The following OPTN variants were observed in gnomAD, a reference collection of about 807,000 sequenced individuals.
OPTN encodes the protein E3-14.7K-interacting protein.
OPTN carries 54 observed loss-of-function variants against 70.4 expected under a neutral mutation model. That is an observed-to-expected ratio of 0.77 (90% confidence interval 0.62 to 0.96). OPTN has a LOEUF of 0.96. Ranked by LOEUF, OPTN falls within the 40% of genes least tolerant of loss-of-function variation. The pLI is 0.00. For missense variants in OPTN, 624 were observed against 673.2 expected, an observed-to-expected ratio of 0.93 and a Z score of 0.81; for synonymous variants, 256 against 248.5, an observed-to-expected ratio of 1.03 and a Z score of -0.28.
Position 13,105,663 on chromosome 10 carries a change from C to G in OPTN, c.-163-2475C>G, listed in dbSNP as rs540989681. On this transcript the variant is annotated intron_variant, in intron 1 of 14. Transcript: ENST00000378747. ...GTGGCTCAAGCCTGTAATTCCAGCA[C>G]TTTGGGAGGCTGAGATGGGTGGATC... 3.4e-3 allele frequency among the ~76,000 whole-genome samples: 514 copies of G among 152,282 alleles called. 6 individuals carry two copies. The highest frequency in any genetic ancestry group is 0.012 in the African/African-American group (504 of 41,538).
At chr10:13,107,969 G>A (rs1420760020) in intron 1 of OPTN, among the ~76,000 whole-genome samples, 169 bp from the exon 2 acceptor site, 1 of 152,128 alleles carries the variant, frequency 6.6e-6, no homozygotes, top group Non-Finnish European at 1.5e-5. Context: ...TTTACTCATT[G>A]GTCTTGCATT....
chr10:13,119,981 CTTTTTT>C (rs35284693), intron 7 of OPTN, among the ~76,000 whole-genome samples: 1 of 117,648 alleles, frequency 8.5e-6, no homozygotes, highest in Non-Finnish European at 1.8e-5. Context: ...TATTTTCTTT[CTTTTTT>C]TTTTTTTTTT....
intron 2 of OPTN, chr10:13,108,850 T>A (rs142468336): frequency 2.3e-6 from 1 of 434,068 alleles, no homozygotes; most frequent in East Asian, 4.7e-5. Context: ...CCGGCCCTCA[T>A]TGTACCCTTT....
At chr10:13,127,402 A>G (rs1180122853) in intron 11 of OPTN, among the ~76,000 whole-genome samples, 1 of 152,228 alleles carries the variant, frequency 6.6e-6, no homozygotes, top group African/African-American at 2.4e-5. Flanking sequence ...CCTTATTAAC[A>G]TTGGAGTTTG....
At chr10:13,123,966 A>G (rs766886275) in intron 8 of OPTN, 29 bp from the exon 9 acceptor site, 16 of 1,490,928 alleles carry the variant, frequency 1.1e-5, no homozygotes, top group Middle Eastern at 3.4e-4. Flanking sequence ...ATAATTGTAC[A>G]GATATGTTTG....
intron 14 of OPTN, 121 bp from the exon 15 acceptor site, chr10:13,136,624 G>A: frequency 8.7e-7 from 1 of 1,143,390 alleles, no homozygotes; most frequent in Non-Finnish European, 1.3e-6. Flanking sequence ...CTGTGCTCAT[G>A]TCCCACTACG....
chr10:13,118,593 G>A (rs568588536), intron 6 of OPTN, among the ~76,000 whole-genome samples: 3 of 152,276 alleles, frequency 2.0e-5, no homozygotes, highest in African/African-American at 4.8e-5. Flanking sequence ...GAACTGTTCC[G>A]TGAGTTTTGT....
rs1205108516 is a variant in OPTN, at chr10:13,120,267, C to T, written c.779+1227C>T. Among the ~76,000 whole-genome samples, 17 of 152,076 alleles carry T rather than the reference C, an allele frequency of 1.1e-4. No individual in the cohort carries two copies. The South Asian group carries it at 1.7e-3, about 15-fold the overall frequency. On this transcript the variant is annotated intron_variant, in intron 7 of 14. Transcript: ENST00000378747. ...CCTCCCAAAGCGCTGGGATTACAGG[C>T]GTGAGCCACCGCGCCCGGCTGATCT...
At chr10:13,133,472 C>T (rs371298749) in intron 13 of OPTN, 30 bp from the exon 14 acceptor site, 1 of 1,601,702 alleles carries the variant, frequency 6.2e-7, no homozygotes, top group Non-Finnish European at 8.6e-7. Context: ...TGTAGAACAT[C>T]ACACAGCGTG....
At chr10:13,113,492 T>C (rs1199018866) in intron 5 of OPTN, among the ~76,000 whole-genome samples, 1 of 152,154 alleles carries the variant, frequency 6.6e-6, no homozygotes, top group Non-Finnish European at 1.5e-5. Context: ...AGAACTGAGT[T>C]TGAAGCCATT....
intron 3 of OPTN, 108 bp from the exon 4 acceptor site, chr10:13,110,166 A>G (rs543054978): frequency 3.9e-6 from 6 of 1,555,388 alleles, no homozygotes; most frequent in Non-Finnish European, 5.2e-6. Context: ...TAAGCATGGC[A>G]TCTTTCAATT....
chr10:13,130,347 C>T (rs2131525771), intron 12 of OPTN, among the ~76,000 whole-genome samples: 1 of 144,974 alleles, frequency 6.9e-6, no homozygotes, highest in African/African-American at 2.6e-5. Flanking sequence ...ATTGCTTGAA[C>T]CTGGGAGGCA....
chr10:13,104,776 G>C (rs1832827874), intron 1 of OPTN: 1 of 600,096 alleles, frequency 1.7e-6, no homozygotes, highest in Middle Eastern at 4.8e-4. Flanking sequence ...ATCCCTTCTA[G>C]CCATCTGGTT....
Position 13,118,880 on chromosome 10 carries a change from C to G in OPTN, c.627-8C>G, listed in dbSNP as rs1833278709. 6.2e-7 allele frequency: 1 copy of G among 1,613,400 alleles called. No homozygotes were observed. The highest frequency in any genetic ancestry group is 8.5e-7 in the Non-Finnish European group (1 of 1,179,480). On this transcript the variant is annotated splice_region_variant and splice_polypyrimidine_tract_variant and intron_variant, in intron 6 of 14. Coordinates refer to ENST00000378747, the MANE Select transcript of OPTN (RefSeq NM_001008212.2). ...TGATGAAAACCTTTTAACCTTTATA[C>G]TGAACAGGGCATTGTCTAAATATAG...
Position 13,127,882 on chromosome 10 carries a change from C to G in OPTN, c.1380C>G (p.Thr460=). 6.2e-7 allele frequency: 1 copy of G among 1,614,144 alleles called. No individual in the cohort carries two copies. Among genetic ancestry groups the G allele is most frequent in the Non-Finnish European group, 8.5e-7 (1 of 1,180,036 alleles). The change falls in exon 12 of 15, where the codon ACC becomes ACG. Residue 460 remains threonine, a synonymous_variant. Coordinates refer to ENST00000378747, the MANE Select transcript of OPTN (RefSeq NM_001008212.2). ...CCAAGCAGGAAGAGGACCTGGAAAC[C>G]ATGACCATCCTCAGGGCTCAGGTGA... ...TIAKQEEDLE[T]MTILRAQMEV... is the part of the protein sequence containing the mutation.
In OPTN at chr10:13,137,004, G is replaced by A. The variant is rs1833715439; in HGVS notation, c.*138G>A. The stretch of plus-strand genomic sequence containing the variant: ...TTTTAAAAGAAAGAAAACAGGCCGG[G>A]CACAGTGGCTCATGCCTGTAATCCC... On this transcript the variant is annotated 3_prime_UTR_variant, in exon 15 of 15. Coordinates refer to ENST00000378747, the MANE Select transcript of OPTN (RefSeq NM_001008212.2). 2.7e-6 allele frequency: 3 copies of A among 1,129,116 alleles called. No homozygotes were observed. The South Asian group carries it at 3.8e-5, about 14-fold the overall frequency. The allele number at this position is 1,129,116 out of a possible 1,614,324, so 69.9% of individuals were successfully genotyped here.
At chr10:13,120,077 GGTTC>G (rs1833311069) in intron 7 of OPTN, among the ~76,000 whole-genome samples, 1 of 150,902 alleles carries the variant, frequency 6.6e-6, no homozygotes, top group Admixed American at 6.6e-5. Context: ...CCGCCTCCCG[GGTTC>G]ACGCCATTCT....
chr10:13,106,729 G>A (rs1564353249), intron 1 of OPTN, among the ~76,000 whole-genome samples: 1 of 152,188 alleles, frequency 6.6e-6, no homozygotes, highest in South Asian at 2.1e-4. Context: ...GGCCAAGGAC[G>A]CAACACCACA....
At chr10:13,109,030 T>C in intron 2 of OPTN, 82 bp from the exon 3 acceptor site, 1 of 1,261,634 alleles carries the variant, frequency 7.9e-7, no homozygotes, top group Non-Finnish European at 1.2e-6. Flanking sequence ...GTATTAGCAA[T>C]CGCCAATGGG....
Sources: allele counts gnomAD v4.1 joint callset (sites outside exome capture counted in the v4.1 genomes callset), GRCh38; gene constraint gnomAD v4.1.1; transcripts MANE v1.5; gene names NCBI Gene and HGNC (gene_info 2026-07-23, HGNC 2026-07-21).